GUCY1A2: variants seen among roughly 807,000 people sequenced by gnomAD.
GUCY1A2 encodes guanylate cyclase 1 soluble subunit alpha 2.
In GUCY1A2, 27 loss-of-function variants were observed where a neutral mutation model predicts 63.5. The observed-to-expected ratio is 0.43, with a 90% confidence interval of 0.31 to 0.59. The LOEUF (loss-of-function observed/expected upper bound fraction) is 0.59, where lower values mean the gene tolerates loss of function less well. Among genes scored for constraint, GUCY1A2 ranks in the 20% least tolerant of loss-of-function variants. The probability of loss-of-function intolerance (pLI) is 0.11; values close to 1 mark genes in which losing one functional copy is unlikely to be tolerated. For synonymous variants in GUCY1A2, 364 were observed against 343.5 expected, an observed-to-expected ratio of 1.06 and a Z score of -0.66; for missense variants, 768 against 913.3, an observed-to-expected ratio of 0.84 and a Z score of 2.05.
intron 6 of GUCY1A2, among the ~76,000 whole-genome samples, chr11:106,739,186 C>T (rs918384786): frequency 3.9e-5 from 6 of 152,050 alleles, no homozygotes; most frequent in African/African-American, 9.7e-5. Context: ...TGATTTGGCT[C>T]GCTGTTTGTC....
chr11:106,792,564 A>T (rs1209985294), intron 5 of GUCY1A2, among the ~76,000 whole-genome samples: 2 of 152,112 alleles, frequency 1.3e-5, no homozygotes, highest in East Asian at 3.9e-4. Context: ...AAAATTCAAC[A>T]TCCATTCATG....
chr11:106,777,410 G>A (rs940638673), intron 5 of GUCY1A2, among the ~76,000 whole-genome samples: 3 of 146,216 alleles, frequency 2.1e-5, no homozygotes, highest in Non-Finnish European at 4.5e-5. Context: ...TTGCACCACT[G>A]CGCTCCAGCC....
intron 3 of GUCY1A2, among the ~76,000 whole-genome samples, chr11:106,958,529 T>G (rs1260429236): frequency 1.3e-5 from 2 of 152,170 alleles, no homozygotes; most frequent in Non-Finnish European, 2.9e-5. Context: ...AGTTCTCATG[T>G]TCTCCTGTCT....
At chr11:106,868,791 A>G (rs570093665) in intron 4 of GUCY1A2, among the ~76,000 whole-genome samples, 2 of 152,326 alleles carry the variant, frequency 1.3e-5, no homozygotes, top group Admixed American at 1.3e-4. Flanking sequence ...AAGAGCCCAC[A>G]TTGCCAAGTC....
At chr11:106,925,328 T>C (rs1403430660) in intron 4 of GUCY1A2, among the ~76,000 whole-genome samples, 1 of 152,210 alleles carries the variant, frequency 6.6e-6, no homozygotes, top group East Asian at 1.9e-4. Context: ...AACATTGTTT[T>C]ATATTTGCAC....
At chr11:106,854,487 G>A (rs138675943) in intron 4 of GUCY1A2, among the ~76,000 whole-genome samples, 1 of 152,180 alleles carries the variant, frequency 6.6e-6, no homozygotes, top group Non-Finnish European at 1.5e-5. Flanking sequence ...GTGGACAAGG[G>A]GGCATGTGGT....
intron 4 of GUCY1A2, among the ~76,000 whole-genome samples, chr11:106,842,176 C>A (rs1188237929): frequency 6.6e-6 from 1 of 151,880 alleles, no homozygotes; most frequent in Admixed American, 6.6e-5. Flanking sequence ...CACAGTGGGC[C>A]CTTCCCACTG....
At chr11:106,894,594 A>G (rs910494260) in intron 4 of GUCY1A2, among the ~76,000 whole-genome samples, 10 of 152,200 alleles carry the variant, frequency 6.6e-5, no homozygotes, top group Non-Finnish European at 1.2e-4. Flanking sequence ...AAGTCTTACA[A>G]TGTCTTGAAA....
chr11:106,881,522 G>C (rs1859823321), intron 4 of GUCY1A2, among the ~76,000 whole-genome samples: 1 of 151,896 alleles, frequency 6.6e-6, no homozygotes, highest in Non-Finnish European at 1.5e-5. Flanking sequence ...TATTACATAT[G>C]AAAGTCTGCC....
chr11:106,694,689 C>T (rs1434018052), intron 7 of GUCY1A2, among the ~76,000 whole-genome samples: 2 of 152,142 alleles, frequency 1.3e-5, no homozygotes, highest in Admixed American at 1.3e-4. Flanking sequence ...ATCCATTTTT[C>T]AGTTTCCTGA....
intron 6 of GUCY1A2, among the ~76,000 whole-genome samples, chr11:106,746,098 G>C (rs112093494): frequency 4.3e-4 from 65 of 152,114 alleles, no homozygotes; most frequent in Non-Finnish European, 7.5e-4. Flanking sequence ...TGAAGTAGAA[G>C]CCATGAATGA....
chr11:106,726,179 C>A (rs764321355), intron 6 of GUCY1A2, among the ~76,000 whole-genome samples: 10 of 152,142 alleles, frequency 6.6e-5, no homozygotes, highest in Non-Finnish European at 1.0e-4. Context: ...ATTTGGGAGG[C>A]TGAAGCAGGC....
chr11:106,882,400 C>T (rs1859836611), intron 4 of GUCY1A2, among the ~76,000 whole-genome samples: 2 of 151,992 alleles, frequency 1.3e-5, no homozygotes, highest in South Asian at 4.1e-4. Flanking sequence ...GCAGCAGCTT[C>T]CAAAATGTTC....
chr11:106,819,835 C>T (rs1478738104), intron 4 of GUCY1A2, among the ~76,000 whole-genome samples: 1 of 152,114 alleles, frequency 6.6e-6, no homozygotes, highest in Non-Finnish European at 1.5e-5. Context: ...TCTTTTGAGA[C>T]ACCATGTTTG....
At chr11:106,882,849 C>T (rs568498939) in intron 4 of GUCY1A2, among the ~76,000 whole-genome samples, 10 of 151,938 alleles carry the variant, frequency 6.6e-5, no homozygotes, top group African/African-American at 1.2e-4. Context: ...TAATTAGAGA[C>T]GTGATATTAA....
intron 3 of GUCY1A2, among the ~76,000 whole-genome samples, chr11:106,956,581 G>A (rs1459340684): frequency 2.0e-5 from 3 of 152,062 alleles, no homozygotes; most frequent in African/African-American, 4.8e-5. Context: ...ACTTCAGGTC[G>A]TATTCATGTG....
At chr11:106,996,767 A>C (rs1233585925) in intron 1 of GUCY1A2, among the ~76,000 whole-genome samples, 2 of 152,230 alleles carry the variant, frequency 1.3e-5, no homozygotes, top group African/African-American at 4.8e-5. Flanking sequence ...TGTAGAAATC[A>C]TCAACATACT....
chr11:106,826,912 T>C (rs997921102), intron 4 of GUCY1A2: 113 of 1,607,764 alleles, frequency 7.0e-5, no homozygotes, highest in Non-Finnish European at 9.3e-5. Flanking sequence ...ACTGTTACCA[T>C]GGAGAAAAGG....
intron 7 of GUCY1A2, among the ~76,000 whole-genome samples, chr11:106,691,919 C>T (rs1030195718): frequency 2.0e-5 from 3 of 152,046 alleles, no homozygotes; most frequent in African/African-American, 7.2e-5. Flanking sequence ...AGTTGACTTC[C>T]AATAGGACAA....
Sources: gnomAD v4.1 joint callset for allele counts (sites outside exome capture counted in the v4.1 genomes callset) on GRCh38, gnomAD v4.1.1 for gene constraint, MANE v1.5 for transcripts, NCBI Gene and HGNC (gene_info 2026-07-23, HGNC 2026-07-21) for gene names.